Variants in WNK2 observed in about 807,000 individuals in gnomAD.
WNK2 encodes WNK lysine deficient protein kinase 2, also known as serine/threonine-protein kinase WNK2.
WNK2 carries 67 observed loss-of-function variants against 192.1 expected under a neutral mutation model. That is an observed-to-expected ratio of 0.35 (90% CI 0.29 to 0.43). The LOEUF is 0.43. Among genes scored for constraint, WNK2 ranks in the 20% least tolerant of loss-of-function variants. The pLI, the probability that WNK2 is intolerant of heterozygous loss-of-function variation, is 1.00. For missense variants in WNK2, 2,698 were observed against 3,089.7 expected (o/e 0.87, Z 3.01); for synonymous variants, 1,439 against 1,393.9 (o/e 1.03, Z -0.72).
intron 26 of WNK2, among the ~76,000 whole-genome samples, chr9:93,302,053 C>T (rs1851701823): frequency 6.6e-6 from 1 of 152,246 alleles, no homozygotes; most frequent in African/African-American, 2.4e-5. Context: ...CCTCCTGCCT[C>T]TGTGCCCCTG....
At chr9:93,318,203 G>A in intron 29 of WNK2, 1 of 1,483,272 alleles carries the variant, frequency 6.7e-7, no homozygotes, top group Non-Finnish European at 8.9e-7. Context: ...ATTGGCTTGT[G>A]CATTGATAAT....
intron 19 of WNK2, among the ~76,000 whole-genome samples, chr9:93,282,272 A>G (rs2133614563): frequency 7.4e-6 from 1 of 134,390 alleles, no homozygotes; most frequent in South Asian, 2.7e-4. Flanking sequence ...GACTCGTAGA[A>G]TAGCAGATAA....
At chr9:93,214,857 A>AT (rs1243328848) in intron 2 of WNK2, among the ~76,000 whole-genome samples, 17 of 151,508 alleles carry the variant, frequency 1.1e-4, no homozygotes, top group Non-Finnish European at 2.2e-4. Flanking sequence ...TCTTGCTTCA[A>AT]TTTTAGAAAA....
In WNK2 at chr9:93,289,223, A is replaced by G; in HGVS notation, c.4469A>G (p.Gln1490Arg). ...PEPSPHSGTPQPALGQPAPLL... is the reference protein window; with the variant it reads ...PEPSPHSGTPRPALGQPAPLL... ...CCCAGCCCCCACAGCGGGACCCCAC[A>G]GCCCGCCTTGGGTCAACCTGCTCCC... is the stretch of plus-strand genomic sequence containing the variant. Residue 1490 changes from glutamine to arginine, a missense_variant, in exon 20 of 30, where the codon CAG becomes CGG. Coordinates refer to ENST00000427277, the MANE Select transcript of WNK2 (RefSeq NM_006648.4). 1 of 1,604,916 alleles carries G rather than the reference A, an allele frequency of 6.2e-7. No individual in the cohort carries two copies.
At chr9:93,291,795 T>C (rs1474254535) in intron 21 of WNK2, among the ~76,000 whole-genome samples, 1 of 152,194 alleles carries the variant, frequency 6.6e-6, no homozygotes, top group Admixed American at 6.5e-5. Flanking sequence ...GCTTGGCTTT[T>C]CTGGTTGCCT....
chr9:93,211,562 C>T (rs371536882), intron 2 of WNK2, among the ~76,000 whole-genome samples: 3 of 139,564 alleles, frequency 2.1e-5, no homozygotes, highest in Non-Finnish European at 3.2e-5. Context: ...ACTCACTCAT[C>T]CACTCACACA....
rs776428066 is a variant in WNK2, at chr9:93,229,764, G to A, written c.750G>A (p.Gln250=). ...AGGCTGAGATGCTGAAAGGCCTGCA[G>A]CACCCCAACATCGTGCGCTTCTACG... ...KEEAEMLKGL[Q]HPNIVRFYDF... The change falls in exon 3 of 30, where the codon CAG becomes CAA. Residue 250 remains glutamine, a synonymous_variant. Transcript: ENST00000427277. The surrounding 1 kb of genome is among the most constrained non-coding windows in gnomAD (Gnocchi z 4.9). 3.1e-6 allele frequency: 5 copies of A among 1,613,824 alleles called. No homozygotes were observed. The highest frequency in any genetic ancestry group is 2.2e-5 in the East Asian group (1 of 44,880).
intron 18 of WNK2, 52 bp downstream of exon 18, chr9:93,268,117 C>T: frequency 6.4e-7 from 1 of 1,563,488 alleles, no homozygotes; most frequent in Non-Finnish European, 8.7e-7. Flanking sequence ...GATGAAAGTC[C>T]CCACTCAGCA....
intron 2 of WNK2, among the ~76,000 whole-genome samples, chr9:93,228,590 TGAG>T (rs1838205296): frequency 1.3e-5 from 2 of 152,174 alleles, no homozygotes; most frequent in Admixed American, 6.5e-5. Flanking sequence ...TGGACCAAGA[TGAG>T]GAGGTGATCC....
At chr9:93,244,283 A>G (rs188051629) in intron 7 of WNK2, among the ~76,000 whole-genome samples, 136 of 152,320 alleles carry the variant, frequency 8.9e-4, no homozygotes, top group Non-Finnish European at 1.5e-3. Context: ...GGAGCTCCCC[A>G]GAGAGAGACA....
intron 2 of WNK2, among the ~76,000 whole-genome samples, chr9:93,209,435 G>T (rs1105079): frequency 4.6e-4 from 70 of 152,212 alleles, no homozygotes; most frequent in African/African-American, 1.5e-3. Context: ...CTTTGAGACG[G>T]GACAGGTCTT....
chr9:93,262,222 G>A (rs1243894206), intron 13 of WNK2, 115 bp downstream of exon 13: 8 of 1,287,594 alleles, frequency 6.2e-6, no homozygotes, highest in African/African-American at 3.0e-5. Context: ...CTCTGGGACA[G>A]CCACCCAGGT....
rs1854914997 is a variant in WNK2, at chr9:93,317,524, C to T, written c.6521C>T (p.Thr2174Ile). The T allele has an allele frequency of 1.2e-6, 2 of 1,613,524 alleles. No individual in the cohort carries two copies. The highest frequency in any genetic ancestry group is 1.7e-6 in the Non-Finnish European group (2 of 1,179,838). ...WAAPGEARAMTAPRAGVGMPR... is the reference protein window; with the variant it reads ...WAAPGEARAMIAPRAGVGMPR... ...TCTCGTCTCTGTGTTTTGTAGATGA[C>T]CGCACCTCGAGCAGGAGTGGGGATG... Residue 2174 changes from threonine to isoleucine, a missense_variant, in exon 29 of 30, where the codon ACC (threonine) becomes ATC (isoleucine). Thr to Ile is a moderately conservative substitution (Grantham distance 89, BLOSUM62 -1). Around this residue, in one of 7 missense-constraint regions of WNK2, gnomAD observed 167 missense variants for 184.2 expected, o/e 0.91. Transcript: ENST00000427277.
At chr9:93,190,450 A>C (rs1268952931) in intron 2 of WNK2, among the ~76,000 whole-genome samples, 2 of 152,204 alleles carry the variant, frequency 1.3e-5, no homozygotes, top group Non-Finnish European at 2.9e-5. Flanking sequence ...ATGGGACTCG[A>C]GCGTACCTGT....
chr9:93,300,059 G>A lies in WNK2; in HGVS notation c.6124G>A (p.Val2042Ile). The A allele has an allele frequency of 6.2e-7, 1 of 1,613,336 alleles. No individual in the cohort carries two copies. The highest frequency in any genetic ancestry group is 8.5e-7 in the Non-Finnish European group (1 of 1,179,756). Residue 2042 changes from valine (V) to isoleucine (I), a missense_variant, in exon 26 of 30, where the codon GTT (valine) becomes ATT (isoleucine). Coordinates refer to ENST00000427277, the MANE Select transcript of WNK2 (RefSeq NM_006648.4). ...GGGARGQGWT[V>I]YHPTSERVTY... ...TTTATATTCATTTGCAGGCTGGACG[G>A]TTTACCACCCAACGTCTGAGAGAGT... is the stretch of plus-strand genomic sequence containing the variant.
intron 10 of WNK2, chr9:93,256,700 C>G (rs1468695921): frequency 4.5e-6 from 3 of 666,660 alleles, no homozygotes; most frequent in Non-Finnish European, 7.4e-6. Context: ...ATGGAAGGCT[C>G]TGCTCACTCA....
chr9:93,202,952 G>T (rs1563977963), intron 2 of WNK2, among the ~76,000 whole-genome samples: 1 of 152,116 alleles, frequency 6.6e-6, no homozygotes, highest in Non-Finnish European at 1.5e-5. Flanking sequence ...GGCCATTTGC[G>T]AGGCACCCAG....
At chr9:93,226,845 G>A (rs1328097802) in intron 2 of WNK2, among the ~76,000 whole-genome samples, 2 of 152,134 alleles carry the variant, frequency 1.3e-5, no homozygotes, top group Non-Finnish European at 2.9e-5. Context: ...TTGGATGGGT[G>A]CGGCATGGTT....
intron 29 of WNK2, chr9:93,319,222 CAT>C: frequency 6.2e-7 from 1 of 1,609,422 alleles, no homozygotes; most frequent in Non-Finnish European, 8.5e-7. Context: ...TGTGAAACAA[CAT>C]CTTTTTCTTA....
Sources: gnomAD v4.1 joint callset for allele counts (sites outside exome capture counted in the v4.1 genomes callset) on GRCh38, gnomAD v4.1.1 for gene constraint, gnomAD v4.1.1 regional missense constraint, Gnocchi (gnomAD v3.1) non-coding constraint, MANE v1.5 for transcripts, NCBI Gene and HGNC (gene_info 2026-07-23, HGNC 2026-07-21) for gene names.